The following EHBP1 variants were observed in gnomAD, a reference collection of about 807,000 sequenced individuals.
EHBP1 encodes the protein EH domain-binding protein 1.
A neutral mutation model predicts 144.0 loss-of-function variants in EHBP1; 55 were observed. The ratio of observed to expected loss-of-function variants is 0.38; its 90% CI spans 0.31 to 0.48. EHBP1 has a LOEUF of 0.48. Ranked by LOEUF, EHBP1 falls within the 20% of genes least tolerant of loss-of-function variation. The pLI is 0.98. For synonymous variants in EHBP1, 469 were observed against 472.7 expected, an observed-to-expected ratio of 0.99 and a Z score of 0.10; for missense variants, 1,200 against 1,364.2, an observed-to-expected ratio of 0.88 and a Z score of 1.90.
chr2:62,756,108 TA>T (rs2040254501), intron 3 of EHBP1, among the ~76,000 whole-genome samples: 1 of 143,084 alleles, frequency 7.0e-6, no homozygotes, highest in African/African-American at 2.6e-5. Context: ...ACCCCCTCTC[TA>T]CAAAAAAAAA....
chr2:62,694,468 C>G (rs2034012725), intron 1 of EHBP1, among the ~76,000 whole-genome samples: 1 of 137,930 alleles, frequency 7.3e-6, no homozygotes, highest in Admixed American at 7.5e-5. Flanking sequence ...TAAGGCTAGA[C>G]AAAAATCACC....
At chr2:62,957,837 A>G (rs1310423862) in intron 14 of EHBP1, among the ~76,000 whole-genome samples, 1 of 151,780 alleles carries the variant, frequency 6.6e-6, no homozygotes, top group African/African-American at 2.4e-5. Flanking sequence ...TAGTAGAGAC[A>G]GGGTTTCACC....
At chr2:62,730,858 ACAGGCAGACAGG>A (rs2037493173) in intron 2 of EHBP1, among the ~76,000 whole-genome samples, 1 of 138,112 alleles carries the variant, frequency 7.2e-6, no homozygotes. Flanking sequence ...AGAGAGACAG[ACAGGCAGACAGG>A]CAGGCAGAGA....
At chr2:62,692,954 C>G (rs113142249) in intron 1 of EHBP1, among the ~76,000 whole-genome samples, 1 of 151,994 alleles carries the variant, frequency 6.6e-6, no homozygotes, top group African/African-American at 2.4e-5. Context: ...AATACTAGAT[C>G]TTATTCATTT....
intron 1 of EHBP1, among the ~76,000 whole-genome samples, chr2:62,686,646 G>A (rs2033728545): frequency 6.6e-6 from 1 of 152,180 alleles, no homozygotes; most frequent in African/African-American, 2.4e-5. Flanking sequence ...AAACCACTGA[G>A]AAAAGTGGAA....
intron 14 of EHBP1, among the ~76,000 whole-genome samples, chr2:62,975,958 A>G (rs540999727): frequency 5.3e-5 from 8 of 151,218 alleles, no homozygotes; most frequent in African/African-American, 1.7e-4. Context: ...GCTTTCTGTT[A>G]TTGACTGAGA....
intron 14 of EHBP1, among the ~76,000 whole-genome samples, chr2:62,970,793 T>A (rs527372028): frequency 4.6e-5 from 7 of 152,306 alleles, no homozygotes; most frequent in African/African-American, 1.4e-4. Flanking sequence ...ACTCCAGCCT[T>A]TTTCTTCCCC....
intron 14 of EHBP1, among the ~76,000 whole-genome samples, chr2:62,977,189 CAT>C (rs1202048588): frequency 6.6e-6 from 1 of 151,242 alleles, no homozygotes; most frequent in Non-Finnish European, 1.5e-5. Context: ...AAAAAAAAGA[CAT>C]ATGCATAAAA....
chr2:62,897,547 A>G (rs950755612), intron 10 of EHBP1, among the ~76,000 whole-genome samples: 4 of 152,206 alleles, frequency 2.6e-5, no homozygotes, highest in East Asian at 1.9e-4. Context: ...ATCTAATTCT[A>G]TGACTTAAAA....
At chr2:62,724,082 A>G (rs563223777) in intron 2 of EHBP1, among the ~76,000 whole-genome samples, 5 of 151,446 alleles carry the variant, frequency 3.3e-5, no homozygotes, top group Admixed American at 2.0e-4. Flanking sequence ...AGTTGCTTAC[A>G]CTCTCCCCAT....
intron 2 of EHBP1, among the ~76,000 whole-genome samples, chr2:62,730,886 TA>T (rs2037507391): frequency 2.6e-5 from 1 of 39,118 alleles, no homozygotes; most frequent in Non-Finnish European, 5.8e-5. Context: ...AGAGAAAGAG[TA>T]AGACAGAAGA....
intron 7 of EHBP1, among the ~76,000 whole-genome samples, chr2:62,833,990 T>C (rs2047022211): frequency 6.6e-6 from 1 of 152,202 alleles, no homozygotes; most frequent in Non-Finnish European, 1.5e-5. Context: ...AAGACTTCAG[T>C]GGAGGAAGTA....
chr2:63,045,676 G>C lies in EHBP1; in HGVS notation c.*176G>C, dbSNP rs919203233. Reference sequence around the variant, plus strand: ...CTCCCTCCTTTCCAAATAATATACAGAACTCCAAAATAGCTTCATTTAAGG... The same window carrying C: ...CTCCCTCCTTTCCAAATAATATACACAACTCCAAAATAGCTTCATTTAAGG... On this transcript the variant is annotated 3_prime_UTR_variant, in exon 23 of 23. Transcript: ENST00000431489. The surrounding 1 kb of genome is among the most constrained non-coding windows in gnomAD (Gnocchi z 5.7). The C allele has an allele frequency of 3.5e-6, 2 of 574,470 alleles. No individual in the cohort carries two copies. Among genetic ancestry groups the C allele is most frequent in the Non-Finnish European group, 3.1e-6 (1 of 322,746 alleles). 35.6% of individuals were successfully genotyped at this position (574,470 alleles called of 1,614,324 possible).
chr2:62,718,910 A>G (rs1157490489), intron 2 of EHBP1, among the ~76,000 whole-genome samples: 1 of 152,170 alleles, frequency 6.6e-6, no homozygotes, highest in Non-Finnish European at 1.5e-5. Context: ...TTTAAAGACA[A>G]GACTGGTTTG....
intron 2 of EHBP1, among the ~76,000 whole-genome samples, chr2:62,725,651 C>A (rs1026067925): frequency 1.3e-5 from 2 of 152,160 alleles, no homozygotes; most frequent in Admixed American, 1.3e-4. Context: ...CCTGCCGAGG[C>A]TCCCATTGAA....
At chr2:62,711,986 C>G (rs1245152160) in intron 2 of EHBP1, among the ~76,000 whole-genome samples, 1 of 152,102 alleles carries the variant, frequency 6.6e-6, no homozygotes, top group Non-Finnish European at 1.5e-5. Context: ...AAGCAGAGAA[C>G]TAGGTAATAC....
chr2:62,912,511 C>T (rs779115627), intron 10 of EHBP1, among the ~76,000 whole-genome samples: 7 of 152,176 alleles, frequency 4.6e-5, no homozygotes, highest in East Asian at 1.9e-4. Context: ...AAAATTGTGT[C>T]GCTGCACTCC....
chr2:62,763,710 G>C (rs1183624492), intron 3 of EHBP1, among the ~76,000 whole-genome samples: 2 of 151,956 alleles, frequency 1.3e-5, no homozygotes. Flanking sequence ...TGATAATCAA[G>C]ATTTACAAGG....
chr2:62,988,810 AG>A (rs1224517008), intron 15 of EHBP1, among the ~76,000 whole-genome samples: 2 of 152,122 alleles, frequency 1.3e-5, no homozygotes, highest in Non-Finnish European at 1.5e-5. Context: ...CAAAGGAGGG[AG>A]GCAAAGTCTC....
Sources: allele counts gnomAD v4.1 joint callset (sites outside exome capture counted in the v4.1 genomes callset), GRCh38; gene constraint gnomAD v4.1.1; non-coding constraint Gnocchi (gnomAD v3.1); transcripts MANE v1.5; gene names NCBI Gene and HGNC (gene_info 2026-07-23, HGNC 2026-07-21).